The following PTPRN2 variants were observed in gnomAD, a reference collection of about 807,000 sequenced individuals.
PTPRN2 encodes protein tyrosine phosphatase receptor type N2, also known as receptor-type tyrosine-protein phosphatase N2.
In PTPRN2, 74 loss-of-function variants were observed where a neutral mutation model predicts 118.8. That is an observed-to-expected ratio of 0.62 (90% CI 0.52 to 0.76). The LOEUF is 0.76. Ranked by LOEUF, PTPRN2 falls within the 30% of genes least tolerant of loss-of-function variation. The pLI is 0.00. For synonymous variants in PTPRN2, 641 were observed against 608.0 expected (o/e 1.05, Z -0.80); for missense variants, 1,481 against 1,394.4 (o/e 1.06, Z -0.99).
At chr7:158,559,354 A>G (rs1248954899) in intron 1 of PTPRN2, among the ~76,000 whole-genome samples, 1 of 152,166 alleles carries the variant, frequency 6.6e-6, no homozygotes, top group African/African-American at 2.4e-5. Context: ...GTCATACCAT[A>G]TGTACTTTTT....
chr7:157,560,805 T>G lies in PTPRN2; in HGVS notation c.2902+8097A>C, dbSNP rs1258004481. ...AGAGACACTGCGGGCCCAACGTGTCTGTGAGGTCCCTTTCCCACTGGCCCT... is the reference window on the plus strand; with the variant it reads ...AGAGACACTGCGGGCCCAACGTGTCGGTGAGGTCCCTTTCCCACTGGCCCT... On this transcript the variant is annotated intron_variant, in intron 21 of 22. Transcript: ENST00000389418. The surrounding 1 kb of genome is among the most constrained non-coding windows in gnomAD (Gnocchi z 6.7). Among the ~76,000 whole-genome samples the G allele has an allele frequency of 6.6e-6, 1 of 152,206 alleles. No homozygotes were observed. Among genetic ancestry groups the G allele is most frequent in the Non-Finnish European group, 1.5e-5 (1 of 68,022 alleles).
intron 12 of PTPRN2, among the ~76,000 whole-genome samples, chr7:157,838,517 A>G (rs75403691): frequency 2.1e-5 from 1 of 48,580 alleles, no homozygotes; most frequent in African/African-American, 9.7e-5. Context: ...AGTTCCTCTC[A>G]TAGTGGATGG....
chr7:158,352,991 A>G (rs956380568), intron 2 of PTPRN2, among the ~76,000 whole-genome samples: 1 of 152,268 alleles, frequency 6.6e-6, no homozygotes, highest in African/African-American at 2.4e-5. Flanking sequence ...ACTCGCTCCT[A>G]TTCCGGGTCT....
chr7:158,478,096 C>T (rs138754459), intron 2 of PTPRN2, among the ~76,000 whole-genome samples: 40 of 152,352 alleles, frequency 2.6e-4, no homozygotes, highest in Middle Eastern at 3.4e-3. Flanking sequence ...TGCAGAGTCA[C>T]CACGGAGCGT....
chr7:157,648,558 G>A (rs1387195224), intron 14 of PTPRN2, among the ~76,000 whole-genome samples: 6 of 130,138 alleles, frequency 4.6e-5, no homozygotes, highest in Non-Finnish European at 8.1e-5. Context: ...CACTGAACTC[G>A]GTGGGTCAGA....
chr7:157,656,914 ACACACACACGC>A (rs1054025751), intron 13 of PTPRN2, among the ~76,000 whole-genome samples: 4 of 146,588 alleles, frequency 2.7e-5, no homozygotes, highest in Admixed American at 1.4e-4. Context: ...ACACATATAC[ACACACACACGC>A]CACACACACA....
rs551725335 is a variant in PTPRN2 at position 157,964,460 on chromosome 7, G to A, written c.1724-65723C>T. On this transcript the variant is annotated intron_variant, in intron 11 of 22. Coordinates refer to ENST00000389418, the MANE Select transcript of PTPRN2 (RefSeq NM_002847.5). The surrounding 1 kb of genome is among the most constrained non-coding windows in gnomAD (Gnocchi z 9.0). ...CCAAAAAAAAAAAAATCACCTGAAT[G>A]AGTCAAGACAGTTAAACTTGAGGGT... 6.6e-6 allele frequency among the ~76,000 whole-genome samples: 1 copy of A among 152,074 alleles called. No homozygotes were observed. Among genetic ancestry groups the A allele is most frequent in the Non-Finnish European group, 1.5e-5 (1 of 67,992 alleles).
intron 12 of PTPRN2, among the ~76,000 whole-genome samples, chr7:157,744,992 C>T (rs936726687): frequency 9.3e-5 from 14 of 150,878 alleles, no homozygotes; most frequent in African/African-American, 3.4e-4. Context: ...AATGTGGGTC[C>T]CCTTCCAGGC....
intron 11 of PTPRN2, among the ~76,000 whole-genome samples, chr7:157,924,150 T>A (rs1424823057): frequency 6.6e-6 from 1 of 152,118 alleles, no homozygotes; most frequent in Non-Finnish European, 1.5e-5. Context: ...ATCACATCCA[T>A]GGCCTCTTCA....
chr7:157,640,826 T>C (rs1412948581), intron 14 of PTPRN2, among the ~76,000 whole-genome samples: 1 of 152,232 alleles, frequency 6.6e-6, no homozygotes, highest in Non-Finnish European at 1.5e-5. Context: ...TAATCTGTTA[T>C]GCAAGTGTGA....
At chr7:158,016,654 A>C (rs1227657879) in intron 11 of PTPRN2, among the ~76,000 whole-genome samples, 1 of 152,232 alleles carries the variant, frequency 6.6e-6, no homozygotes. Context: ...AGTGCTTGCC[A>C]GCTCTCTAAT....
chr7:158,182,514 C>T (rs1378736146), intron 5 of PTPRN2, among the ~76,000 whole-genome samples: 1 of 152,124 alleles, frequency 6.6e-6, no homozygotes, highest in Admixed American at 6.5e-5. Flanking sequence ...TGTTGTTCCC[C>T]TCCTTGTGTC....
At chr7:157,588,316 G>A (rs1800790957) in intron 17 of PTPRN2, among the ~76,000 whole-genome samples, 1 of 152,214 alleles carries the variant, frequency 6.6e-6, no homozygotes, top group Non-Finnish European at 1.5e-5. Flanking sequence ...CGTAGCACAG[G>A]GTGTGGTAGA....
Position 158,068,248 on chromosome 7 carries a change from G to A in PTPRN2, c.1723+13050C>T, listed in dbSNP as rs572532965. ...ATGAAGGAGAAAGCCATGAAACGAC[G>A]CAGGTGGCTGTCTGATCAGGCCCAC... On this transcript the variant is annotated intron_variant, in intron 11 of 22. Coordinates refer to ENST00000389418, the MANE Select transcript of PTPRN2 (RefSeq NM_002847.5). 9.2e-5 allele frequency among the ~76,000 whole-genome samples: 14 copies of A among 152,350 alleles called. No homozygotes were observed. The East Asian group carries it at 9.6e-4, about 10-fold the overall frequency.
chr7:158,336,335 G>A (rs576098253), intron 2 of PTPRN2, among the ~76,000 whole-genome samples: 108 of 141,662 alleles, frequency 7.6e-4, no homozygotes, highest in African/African-American at 2.4e-3. Context: ...GGTGACACCT[G>A]CAGACGTCAC....
intron 1 of PTPRN2, among the ~76,000 whole-genome samples, chr7:158,572,313 A>T (rs1227116835): frequency 6.6e-6 from 1 of 152,214 alleles, no homozygotes; most frequent in East Asian, 1.9e-4. Context: ...TTTGTTTGGT[A>T]CTGGGTAGTG....
At chr7:158,122,398 C>T (rs543957316) in intron 9 of PTPRN2, among the ~76,000 whole-genome samples, 8 of 152,304 alleles carry the variant, frequency 5.3e-5, no homozygotes, top group African/African-American at 1.9e-4. Flanking sequence ...GTGACAGTGT[C>T]CCTCTTCCAC....
chr7:157,663,817 C>A (rs1255417373), intron 13 of PTPRN2, among the ~76,000 whole-genome samples: 1 of 152,220 alleles, frequency 6.6e-6, no homozygotes, highest in Non-Finnish European at 1.5e-5. Flanking sequence ...AATGGAAATT[C>A]TATAGTCTGT....
chr7:158,520,687 C>T (rs575650884), intron 1 of PTPRN2, among the ~76,000 whole-genome samples: 3 of 152,268 alleles, frequency 2.0e-5, no homozygotes, highest in African/African-American at 7.2e-5. Context: ...TTAGAAAAGA[C>T]TATAACTCCT....
Sources: allele counts gnomAD v4.1 joint callset (sites outside exome capture counted in the v4.1 genomes callset), GRCh38; gene constraint gnomAD v4.1.1; non-coding constraint Gnocchi (gnomAD v3.1); transcripts MANE v1.5; gene names NCBI Gene and HGNC (gene_info 2026-07-23, HGNC 2026-07-21).